The following MEIKIN variants were observed in gnomAD, a reference collection of about 807,000 sequenced individuals.
MEIKIN encodes the protein meiosis-specific kinetochore protein.
chr5:131,869,941 A>C (rs1403715561), intron 9 of MEIKIN, among the ~76,000 whole-genome samples: 1 of 152,146 alleles, frequency 6.6e-6, no homozygotes, highest in African/African-American at 2.4e-5. Context: ...TCTCTGATGA[A>C]CTCAAGAAAA....
intron 8 of MEIKIN, among the ~76,000 whole-genome samples, chr5:131,887,545 G>A: frequency 6.6e-6 from 1 of 152,060 alleles, no homozygotes; most frequent in East Asian, 1.9e-4. Context: ...GGTGTGAGAT[G>A]GTAATTCACT....
chr5:131,863,919 C>G (rs1390412138), intron 9 of MEIKIN, among the ~76,000 whole-genome samples: 1 of 152,166 alleles, frequency 6.6e-6, no homozygotes. Flanking sequence ...TCGCCTTCTG[C>G]ATGATTGTGA....
At chr5:131,823,555 T>A (rs181201495) in intron 11 of MEIKIN, among the ~76,000 whole-genome samples, 1 of 152,090 alleles carries the variant, frequency 6.6e-6, no homozygotes, top group African/African-American at 2.4e-5. Context: ...TTTGAATGCC[T>A]TTGTCTAATT....
intron 2 of MEIKIN, 29 bp from the exon 3 acceptor site, chr5:131,944,781 C>CA: frequency 2.5e-6 from 1 of 399,052 alleles, no homozygotes; most frequent in Non-Finnish European, 4.4e-6. Context: ...AATTAGTTTG[C>CA]ACCATCTGGA....
chr5:131,840,052 G>A (rs1749876309), intron 11 of MEIKIN, among the ~76,000 whole-genome samples: 1 of 152,128 alleles, frequency 6.6e-6, no homozygotes, highest in Admixed American at 6.6e-5. Context: ...TACATCTGGT[G>A]ATAAATTCCC....
intron 9 of MEIKIN, among the ~76,000 whole-genome samples, chr5:131,875,063 A>G (rs1463513852): frequency 1.3e-5 from 2 of 152,228 alleles, no homozygotes; most frequent in African/African-American, 4.8e-5. Flanking sequence ...AACTGGAAGC[A>G]TTCCCTTTGA....
intron 11 of MEIKIN, among the ~76,000 whole-genome samples, chr5:131,845,272 T>TTAAAAAAAAA (rs1749995385): frequency 1.5e-4 from 7 of 45,360 alleles, no homozygotes; most frequent in African/African-American, 8.4e-4. Flanking sequence ...GACTTCGTCT[T>TTAAAAAAAAA]AAAAAAAAAA....
At chr5:131,937,977 A>AT (rs1751809031) in intron 4 of MEIKIN, among the ~76,000 whole-genome samples, 1 of 151,916 alleles carries the variant, frequency 6.6e-6, no homozygotes, top group Admixed American at 6.6e-5. Flanking sequence ...ACTCATGACC[A>AT]TTTTTAATTC....
At chr5:131,841,490 A>G (rs1749913829) in intron 11 of MEIKIN, among the ~76,000 whole-genome samples, 1 of 152,184 alleles carries the variant, frequency 6.6e-6, no homozygotes, top group East Asian at 1.9e-4. Flanking sequence ...GGTATAGACT[A>G]CTATTGTTTT....
At chr5:131,896,718 G>A (rs1026444603) in intron 8 of MEIKIN, among the ~76,000 whole-genome samples, 11 of 151,570 alleles carry the variant, frequency 7.3e-5, no homozygotes, top group South Asian at 2.1e-4. Context: ...GCTTTTTCTC[G>A]CTTTCCATTT....
intron 9 of MEIKIN, among the ~76,000 whole-genome samples, chr5:131,869,734 G>A (rs954823740): frequency 2.4e-4 from 36 of 152,146 alleles, no homozygotes; most frequent in Non-Finnish European, 4.4e-4. Flanking sequence ...AGTGGCAGGG[G>A]GACCACCTAC....
intron 9 of MEIKIN, among the ~76,000 whole-genome samples, chr5:131,858,230 T>C (rs1390444078): frequency 6.6e-6 from 1 of 151,978 alleles, no homozygotes; most frequent in Non-Finnish European, 1.5e-5. Context: ...TCAAACAAAC[T>C]TAACAGACAC....
chr5:131,865,613 T>C (rs1418328480), intron 9 of MEIKIN, among the ~76,000 whole-genome samples: 1 of 152,256 alleles, frequency 6.6e-6, no homozygotes, highest in Non-Finnish European at 1.5e-5. Context: ...TCCTGTGTCC[T>C]TACATTGATA....
chr5:131,900,457 A>C (rs1165689114), intron 8 of MEIKIN, among the ~76,000 whole-genome samples: 2 of 152,008 alleles, frequency 1.3e-5, no homozygotes, highest in East Asian at 3.9e-4. Context: ...GGGCCTCTGG[A>C]ATCCTGGCAG....
intron 11 of MEIKIN, among the ~76,000 whole-genome samples, chr5:131,850,888 CT>C (rs1750104334): frequency 6.6e-6 from 1 of 151,820 alleles, no homozygotes; most frequent in Non-Finnish European, 1.5e-5. Context: ...TGCAGTGAGT[CT>C]GTGAGCCTTG....
rs1773040621 is a variant in MEIKIN, at chr5:131,813,503, TGAA to T, written c.1099+5234_1099+5236del. 6.6e-5 allele frequency among the ~76,000 whole-genome samples: 10 copies of T among 151,454 alleles called. No individual in the cohort carries two copies. In the South Asian group the frequency reaches 2.1e-3, roughly 32 times the overall value. ...GTGCAGTGGCATGATCTTGGCTCAC[TGAA>T]AGCTCCGCCTCCCGGGTTCACGCCA... On this transcript the variant is annotated intron_variant, in intron 12 of 12. Transcript: ENST00000442687.
chr5:131,877,242 T>C (rs1750631508), intron 9 of MEIKIN, among the ~76,000 whole-genome samples: 1 of 151,876 alleles, frequency 6.6e-6, no homozygotes, highest in Admixed American at 6.6e-5. Flanking sequence ...AAACAGAAAC[T>C]AACTACTAAC....
chr5:131,910,833 A>G (rs542328814), intron 8 of MEIKIN, among the ~76,000 whole-genome samples: 300 of 152,248 alleles, frequency 2.0e-3, no homozygotes, highest in African/African-American at 6.6e-3. Flanking sequence ...AAGTAAGAAT[A>G]CAGAAACATA....
chr5:131,918,584 G>A (rs983039048), intron 6 of MEIKIN, among the ~76,000 whole-genome samples: 1 of 152,070 alleles, frequency 6.6e-6, no homozygotes, highest in African/African-American at 2.4e-5. Context: ...CTAATAGGTG[G>A]GCTGACAATA....
Sources: gnomAD v4.1 joint callset for allele counts (sites outside exome capture counted in the v4.1 genomes callset) on GRCh38, gnomAD v4.1.1 for gene constraint, MANE v1.5 for transcripts, NCBI Gene and HGNC (gene_info 2026-07-23, HGNC 2026-07-21) for gene names.